NFKBIA: variants seen among roughly 807,000 people sequenced by gnomAD.
The protein encoded by NFKBIA is NFKB inhibitor alpha, also known as NF-kappa-B inhibitor alpha.
Under a neutral mutation model 36.3 loss-of-function variants are expected in NFKBIA, and 10 were observed. The observed-to-expected ratio is 0.28, with a 90% CI of 0.17 to 0.47. NFKBIA has a LOEUF of 0.47. Among genes scored for constraint, NFKBIA ranks in the 20% least tolerant of loss-of-function variants. The pLI is 0.99. For missense variants in NFKBIA, 355 were observed against 399.3 expected (o/e 0.89, Z 0.94); for synonymous variants, 205 against 164.4 (o/e 1.25, Z -1.89).
chr14:35,404,355 A>G (rs918427259), intron 1 of NFKBIA, 63 bp downstream of exon 1: 5 of 380,526 alleles, frequency 1.3e-5, no homozygotes. Context: ...GGCGCCTCCC[A>G]CCCCCAGGCC....
chr14:35,402,136 C>T (rs979589686), intron 5 of NFKBIA, 76 bp from the exon 6 acceptor site: 3 of 1,552,580 alleles, frequency 1.9e-6, no homozygotes, highest in Admixed American at 1.7e-5. Flanking sequence ...GGGGAGGCCA[C>T]TACTGGAAAT....
rs958862553 is a variant in NFKBIA at position 35,404,715 on chromosome 14, G to T, written c.-71C>A. 1.6e-5 allele frequency: 18 copies of T among 1,129,942 alleles called. No homozygotes were observed. The highest frequency in any genetic ancestry group is 1.8e-5 in the Non-Finnish European group (16 of 872,332). The allele number at this position is 1,129,942 out of a possible 1,614,324, so 70.0% of individuals were successfully genotyped here. ...GGCTGCGCGCTGCTTCCTCGCTGGG[G>T]CGCTGGCGGGCGGGACGGCGGCACG... On this transcript the variant is annotated 5_prime_UTR_variant, in exon 1 of 6. Transcript: ENST00000216797.
intron 1 of NFKBIA, chr14:35,404,198 C>G (rs2052762834): frequency 3.1e-6 from 1 of 323,678 alleles, no homozygotes; most frequent in African/African-American, 2.3e-5. Flanking sequence ...CTGCCATCCA[C>G]CAGGGCCCAG....
In NFKBIA at chr14:35,404,681, T is replaced by C. The variant is rs2052772352; in HGVS notation, c.-37A>G. 2.2e-6 allele frequency: 3 copies of C among 1,362,652 alleles called. No individual in the cohort carries two copies. Among genetic ancestry groups the C allele is most frequent in the Non-Finnish European group, 2.9e-6 (3 of 1,049,802 alleles). 84.4% of individuals were successfully genotyped at this position (1,362,652 alleles called of 1,614,324 possible). ...GCTGCGGGCGCTGCTGCGGGTGCGC[T>C]GGGCCGCGGGCTGCGCGCTGCTTCC... On this transcript the variant is annotated 5_prime_UTR_variant, in exon 1 of 6. Coordinates refer to ENST00000216797, the MANE Select transcript of NFKBIA (RefSeq NM_020529.3).
Position 35,404,676 on chromosome 14 carries a change from T to TGCGCTGGGCCGCGGGC in NFKBIA, c.-48_-33dup, listed in dbSNP as rs2052772201. On this transcript the variant is annotated 5_prime_UTR_variant, in exon 1 of 6. Transcript: ENST00000216797. ...GACGAGCTGCGGGCGCTGCTGCGGG[T>TGCGCTGGGCCGCGGGC]GCGCTGGGCCGCGGGCTGCGCGCTG... The TGCGCTGGGCCGCGGGC allele has an allele frequency of 8.6e-6, 12 of 1,392,072 alleles. No individual in the cohort carries two copies. The highest frequency in any genetic ancestry group is 1.5e-5 in the South Asian group (1 of 65,022). 86.2% of individuals were successfully genotyped at this position (1,392,072 alleles called of 1,614,324 possible).
In NFKBIA at chr14:35,402,424, C is replaced by T. The variant is rs772607545; in HGVS notation, c.876G>A (p.Glu292=). The change falls in exon 5 of 6, where the codon GAG becomes GAA. Residue 292 remains glutamate, a synonymous_variant. Transcript: ENST00000216797. The part of the protein sequence containing the change: ...ESEDEESYDT[E]SEFTEFTEDE... ...CCTCTGTGAACTCCGTGAACTCTGACTCTGTGTCATAGCTCTCCTCATCCT... is the reference window on the plus strand; with the variant it reads ...CCTCTGTGAACTCCGTGAACTCTGATTCTGTGTCATAGCTCTCCTCATCCT... 45 of 1,614,076 alleles carry T rather than the reference C, an allele frequency of 2.8e-5. No individual in the cohort carries two copies. Among genetic ancestry groups the T allele is most frequent in the Non-Finnish European group, 3.6e-5 (42 of 1,180,038 alleles).
intron 1 of NFKBIA, 48 bp downstream of exon 1, chr14:35,404,370 G>T: frequency 1.3e-6 from 1 of 779,250 alleles, no homozygotes; most frequent in Non-Finnish European, 1.9e-6. Context: ...CAGGCCGCGC[G>T]CGTCCCGCCC....
intron 2 of NFKBIA, 83 bp from the exon 3 acceptor site, chr14:35,403,443 TG>T: frequency 1.4e-6 from 2 of 1,461,212 alleles, no homozygotes; most frequent in African/African-American, 2.8e-5. Context: ...GTCTCCTGGT[TG>T]GGTGCTGCTC....
chr14:35,402,630 C>T lies in NFKBIA; in HGVS notation c.670G>A (p.Ala224Thr), dbSNP rs1183733796. Residue 224 changes from alanine to threonine, a missense_variant, in exon 5 of 6, where the codon GCA (alanine) becomes ACA (threonine). Ala to Thr is a moderately conservative substitution (Grantham distance 58). Transcript: ENST00000216797. ...PCNGRTALHL[A>T]VDLQNPDLVS... ...AGGTCAGGATTTTGCAGGTCCACTG[C>T]GAGGTGAAGGGCAGTCCGGCCATTA... 2 of 1,614,050 alleles carry T rather than the reference C, an allele frequency of 1.2e-6. No homozygotes were observed. Among genetic ancestry groups the T allele is most frequent in the Non-Finnish European group, 1.7e-6 (2 of 1,180,022 alleles).
At position 35,402,477 on chromosome 14, in the gene NFKBIA, C is replaced by G; in HGVS notation, c.823G>C (p.Glu275Gln). The G allele has an allele frequency of 1.9e-6, 3 of 1,614,182 alleles. No homozygotes were observed. The highest frequency in any genetic ancestry group is 2.5e-6 in the Non-Finnish European group (3 of 1,180,034). Residue 275 changes from glutamate (E) to glutamine (Q), a missense_variant, in exon 5 of 6, where the codon GAA (glutamate) becomes CAA (glutamine). Glu to Gln is a conservative substitution (Grantham distance 29). Coordinates refer to ENST00000216797, the MANE Select transcript of NFKBIA (RefSeq NM_020529.3). Reference protein sequence around the residue: ...IQQQLGQLTLENLQMLPESED... With the variant: ...IQQQLGQLTLQNLQMLPESED... ...CTCTCTGGCAGCATCTGAAGGTTTT[C>G]TAGTGTCAGCTGGCCCAGCTGCTGC... is the stretch of plus-strand genomic sequence containing the variant.
intron 1 of NFKBIA, 108 bp downstream of exon 1, chr14:35,404,310 T>G: frequency 1.3e-6 from 1 of 777,116 alleles, no homozygotes; most frequent in Non-Finnish European, 1.8e-6. Context: ...CCCGCCCGGC[T>G]GCATCGCTGG....
chr14:35,402,928 T>C, intron 3 of NFKBIA, 69 bp from the exon 4 acceptor site: 1 of 1,465,662 alleles, frequency 6.8e-7, no homozygotes, highest in Non-Finnish European at 9.5e-7. Flanking sequence ...TATTCTTTTA[T>C]GGAACAAGTA....
chr14:35,403,544 A>C, intron 2 of NFKBIA, 146 bp downstream of exon 2: 1 of 876,258 alleles, frequency 1.1e-6, no homozygotes, highest in Non-Finnish European at 1.9e-6. Context: ...AATTTCCTTC[A>C]CTCTCTAGGA....
intron 2 of NFKBIA, 115 bp downstream of exon 2, chr14:35,403,575 A>G: frequency 1.1e-6 from 1 of 891,840 alleles, no homozygotes; most frequent in Non-Finnish European, 1.8e-6. Context: ...TGTGAAGTAA[A>G]AGGTGAGGGT....
In NFKBIA at chr14:35,401,956, A is replaced by G. The variant is rs2052730813; in HGVS notation, c.*57T>C. On this transcript the variant is annotated 3_prime_UTR_variant, in exon 6 of 6. Coordinates refer to ENST00000216797, the MANE Select transcript of NFKBIA (RefSeq NM_020529.3). ...TCTTCTTTTTTCTTTTTTTAGAAAAATAAAACTTTTTTTTTGTACAAATAT... is the reference window on the plus strand; with the variant it reads ...TCTTCTTTTTTCTTTTTTTAGAAAAGTAAAACTTTTTTTTTGTACAAATAT... 6.3e-7 allele frequency: 1 copy of G among 1,598,502 alleles called. No individual in the cohort carries two copies.
Position 35,401,832 on chromosome 14 carries a change from G to A in NFKBIA, c.*181C>T. The A allele has an allele frequency of 1.5e-6, 1 of 665,068 alleles. No homozygotes were observed. Among genetic ancestry groups the A allele is most frequent in the East Asian group, 2.7e-5 (1 of 36,400 alleles). 41.2% of individuals were successfully genotyped at this position (665,068 alleles called of 1,614,324 possible). A position where few individuals can be genotyped will look rare whatever the true frequency, so the allele number is the denominator to read the frequency against. ...TGATCTTTCTCGTCCCCTACAAAAA[G>A]TTCACAAAAGCAACAAAATGAGGGC... On this transcript the variant is annotated 3_prime_UTR_variant, in exon 6 of 6. Transcript: ENST00000216797.
chr14:35,402,670 C>A lies in NFKBIA; in HGVS notation c.637-7G>T, dbSNP rs1254515625. ...TCCGGCCATTACAGGGCTCCTGAAA[C>A]CAAAAGGAATTTGAGATGCTTATGG... On this transcript the variant is annotated splice_region_variant and splice_polypyrimidine_tract_variant and intron_variant, in intron 4 of 5. Transcript: ENST00000216797. 6.2e-7 allele frequency: 1 copy of A among 1,614,202 alleles called. No homozygotes were observed. Among genetic ancestry groups the A allele is most frequent in the Non-Finnish European group, 8.5e-7 (1 of 1,180,044 alleles).
chr14:35,402,154 G>C, intron 5 of NFKBIA, 94 bp from the exon 6 acceptor site: 2 of 1,456,718 alleles, frequency 1.4e-6, no homozygotes, highest in Non-Finnish European at 1.9e-6. Flanking sequence ...AATAACTCTT[G>C]GACTCCATTC....
intron 3 of NFKBIA, 105 bp from the exon 4 acceptor site, chr14:35,402,964 C>T: frequency 1.5e-6 from 2 of 1,321,334 alleles, no homozygotes; most frequent in Non-Finnish European, 2.1e-6. Context: ...TTTTAAGAAC[C>T]CACAGTCTGG....
Sources: allele counts gnomAD v4.1 joint callset, GRCh38; gene constraint gnomAD v4.1.1; transcripts MANE v1.5; gene names NCBI Gene and HGNC (gene_info 2026-07-23, HGNC 2026-07-21).